The following BOP1 variants were observed in gnomAD, a reference collection of about 807,000 sequenced individuals.
BOP1 encodes BOP1 ribosomal biogenesis factor, also known as ribosome biogenesis protein BOP1.
In BOP1, 54 loss-of-function variants were observed where a neutral mutation model predicts 82.9. The ratio of observed to expected loss-of-function variants is 0.65; its 90% confidence interval spans 0.52 to 0.82. The LOEUF (loss-of-function observed/expected upper bound fraction) is 0.82. Ranked by LOEUF, BOP1 falls within the 40% of genes least tolerant of loss-of-function variation. BOP1 has a pLI of 0.00. For synonymous variants in BOP1, 566 were observed against 451.1 expected, an observed-to-expected ratio of 1.25 and a Z score of -3.23; for missense variants, 1,170 against 1,072.0, an observed-to-expected ratio of 1.09 and a Z score of -1.28.
chr8:144,284,278 A>C (rs1236259107), intron 2 of BOP1, among the ~76,000 whole-genome samples: 1 of 152,204 alleles, frequency 6.6e-6, no homozygotes, highest in Non-Finnish European at 1.5e-5. Context: ...AGCCTGAGTG[A>C]CAGAGTGAGA....
At chr8:144,290,506 TCA>T (rs1171181305) in intron 1 of BOP1, among the ~76,000 whole-genome samples, 1 of 152,222 alleles carries the variant, frequency 6.6e-6, no homozygotes, top group Non-Finnish European at 1.5e-5. Context: ...AATGCCTCTC[TCA>T]CACAGAGTCA....
chr8:144,282,465 G>A (rs1180202352), intron 2 of BOP1, among the ~76,000 whole-genome samples: 3 of 152,148 alleles, frequency 2.0e-5, no homozygotes, highest in Non-Finnish European at 4.4e-5. Flanking sequence ...GGTGAGGCTG[G>A]CCCACCAAGC....
intron 2 of BOP1, among the ~76,000 whole-genome samples, chr8:144,282,627 G>T (rs1321424166): frequency 1.3e-5 from 2 of 152,070 alleles, no homozygotes; most frequent in Non-Finnish European, 2.9e-5. Flanking sequence ...TGTGGGCCCT[G>T]CCGTGGCCCA....
Position 144,263,216 on chromosome 8 carries a change from C to G in BOP1, c.1605+5G>C. ...GCAGCCTCACCCCCAAGGCGCCCCA[C>G]GTACCTTCCCGTGGCAGATGCGCAG... On this transcript the variant is annotated splice_donor_5th_base_variant and intron_variant, in intron 12 of 15. Transcript: ENST00000569669. The G allele has an allele frequency of 1.3e-6, 2 of 1,594,446 alleles. 1 individual carries two copies. Among genetic ancestry groups the G allele is most frequent in the South Asian group, 2.2e-5 (2 of 90,728 alleles).
intron 3 of BOP1, among the ~76,000 whole-genome samples, chr8:144,271,068 G>A (rs911100306): frequency 1.5e-4 from 20 of 129,460 alleles, no homozygotes; most frequent in East Asian, 8.6e-4. Flanking sequence ...GTCAGGCCCC[G>A]CACGGAGAGC....
chr8:144,270,313 CAG>C (rs1339860114), intron 3 of BOP1, among the ~76,000 whole-genome samples: 1 of 152,164 alleles, frequency 6.6e-6, no homozygotes, highest in Admixed American at 6.5e-5. Flanking sequence ...AAAGAGACGT[CAG>C]AGCCCCCGTG....
intron 10 of BOP1, 34 bp from the exon 11 acceptor site, chr8:144,263,644 C>G: frequency 6.2e-7 from 1 of 1,605,806 alleles, no homozygotes; most frequent in Non-Finnish European, 8.5e-7. Flanking sequence ...CAACACCTGG[C>G]CATCCCACCT....
intron 3 of BOP1, among the ~76,000 whole-genome samples, chr8:144,270,491 G>T (rs2130224371): frequency 6.6e-6 from 1 of 152,320 alleles, no homozygotes. Context: ...CGCGGCTGCA[G>T]CTTGGCCAGC....
intron 2 of BOP1, among the ~76,000 whole-genome samples, chr8:144,285,313 C>A (rs1472621545): frequency 6.6e-6 from 1 of 152,174 alleles, no homozygotes; most frequent in African/African-American, 2.4e-5. Flanking sequence ...AGCCCCATCC[C>A]GCCACTGTTC....
chr8:144,286,445 CGCGG>C lies in BOP1; in HGVS notation c.309+2646_309+2649del, dbSNP rs1814872198. 1.6e-3 allele frequency among the ~76,000 whole-genome samples: 191 copies of C among 117,492 alleles called. 1 individual carries two copies. Among genetic ancestry groups the C allele is most frequent in the Non-Finnish European group, 2.7e-3 (151 of 55,366 alleles). 77.1% of individuals were successfully genotyped at this position (117,492 alleles called of 152,430 possible). A position where few individuals can be genotyped will look rare whatever the true frequency, so the allele number is the denominator to read the frequency against. On this transcript the variant is annotated intron_variant, in intron 2 of 15. Coordinates refer to ENST00000569669, the MANE Select transcript of BOP1 (RefSeq NM_015201.5). Reference sequence around the variant, plus strand: ...GGCCCCTCAGCTAAAGCACAGGACACGCGGGCAGGTGCATGGGCGCCACGGCAGG... The same window carrying C: ...GGCCCCTCAGCTAAAGCACAGGACACGCAGGTGCATGGGCGCCACGGCAGG...
chr8:144,273,775 CA>C (rs1335252921), intron 3 of BOP1, among the ~76,000 whole-genome samples: 1 of 150,848 alleles, frequency 6.6e-6, no homozygotes, highest in African/African-American at 2.5e-5. Context: ...GGGGCAGCCG[CA>C]GCTCAGCCGG....
Position 144,263,291 on chromosome 8 carries a change from G to A in BOP1, c.1535C>T (p.Pro512Leu), listed in dbSNP as rs955385249. Residue 512 changes from proline (P) to leucine (L), a missense_variant, in exon 12 of 16, where the codon CCG becomes CTG. Transcript: ENST00000569669. ...FVPPEEPPLQ[P>L]ARWLEASEEE... ...CTCTGAGGCCTCCAGCCAGCGGGCC[G>A]GCTGCAAGGGGGGCTCCTCAGGCGG... 26 of 1,594,048 alleles carry A rather than the reference G, an allele frequency of 1.6e-5. No homozygotes were observed. The highest frequency in any genetic ancestry group is 2.2e-5 in the South Asian group (2 of 90,610).
chr8:144,282,746 C>G (rs1037388578), intron 2 of BOP1, among the ~76,000 whole-genome samples: 1 of 152,116 alleles, frequency 6.6e-6, no homozygotes, highest in East Asian at 1.9e-4. Context: ...ACAGAGTACC[C>G]TTCTTCACCT....
Position 144,291,231 on chromosome 8 carries a change from C to T in BOP1, c.99+41G>A. 1 of 1,425,370 alleles carries T rather than the reference C, an allele frequency of 7.0e-7. No individual in the cohort carries two copies. The highest frequency in any genetic ancestry group is 9.2e-7 in the Non-Finnish European group (1 of 1,091,542). The allele number at this position is 1,425,370 out of a possible 1,614,324, so 88.3% of individuals were successfully genotyped here. ...AGCGCGGCCACGTGCCCGCCGGGCC[C>T]TCTAGGGACGCGCCCCGCCGCCCCG... is the stretch of plus-strand genomic sequence containing the variant. On this transcript the variant is annotated intron_variant, in intron 1 of 15. Transcript: ENST00000569669. This position sits in a 1 kb window ranked among gnomAD's most constrained non-coding sequence, Gnocchi z 4.1.
Position 144,276,927 on chromosome 8 carries a change from G to A in BOP1, c.310-623C>T, listed in dbSNP as rs1845575609. Among the ~76,000 whole-genome samples the A allele has an allele frequency of 4.6e-5, 7 of 152,174 alleles. No individual in the cohort carries two copies. The South Asian group carries it at 1.5e-3, about 32-fold the overall frequency. On this transcript the variant is annotated intron_variant, in intron 2 of 15. Transcript: ENST00000569669. ...TGCCCAGCGTTCTCCCACCCACCACGTCCACAGCCCAGGCTGACCCCATCC... is the reference window on the plus strand; with the variant it reads ...TGCCCAGCGTTCTCCCACCCACCACATCCACAGCCCAGGCTGACCCCATCC...
rs1845285593 is a variant in BOP1, at chr8:144,263,572, T to C, written c.1330A>G (p.Thr444Ala). Residue 444 changes from threonine to alanine, a missense_variant, in exon 11 of 16, where the codon ACT becomes GCT. By Grantham distance (58) the Thr-to-Ala change is moderately conservative. Coordinates refer to ENST00000569669, the MANE Select transcript of BOP1 (RefSeq NM_015201.5). ...GGAACAGTCCTCACACAGCGGGCAG[T>C]GGCCACCTCCCAGAGCCGCAGGGAG... The part of the protein sequence containing the change: ...DGSLRLWEVA[T>A]ARCVRTVPVG... The C allele has an allele frequency of 8.1e-6, 13 of 1,603,266 alleles. No homozygotes were observed. Among genetic ancestry groups the C allele is most frequent in the Non-Finnish European group, 1.1e-5 (13 of 1,179,748 alleles).
chr8:144,289,086 C>A lies in BOP1; in HGVS notation c.309+9G>T, dbSNP rs782258820. The A allele has an allele frequency of 1.5e-4, 247 of 1,613,936 alleles. No individual in the cohort carries two copies. The highest frequency in any genetic ancestry group is 2.0e-4 in the Non-Finnish European group (241 of 1,180,000). ...GGACAGCCCTCGAGGGGGCTCCTCG[C>A]TCACCCACCTGCACCTGCTCCTCAG... is the stretch of plus-strand genomic sequence containing the variant. On this transcript the variant is annotated intron_variant, in intron 2 of 15. Coordinates refer to ENST00000569669, the MANE Select transcript of BOP1 (RefSeq NM_015201.5).
At chr8:144,266,658 G>A in intron 3 of BOP1, 2 of 1,258,026 alleles carry the variant, frequency 1.6e-6, no homozygotes, top group Admixed American at 3.0e-5. Context: ...GCCGCTACCT[G>A]TACCCCGAGG....
chr8:144,275,674 T>C (rs1845558379), intron 3 of BOP1, among the ~76,000 whole-genome samples: 1 of 151,946 alleles, frequency 6.6e-6, no homozygotes, highest in East Asian at 1.9e-4. Context: ...CCAGCCCACA[T>C]CAGCCACCAC....
Sources: gnomAD v4.1 joint callset for allele counts (sites outside exome capture counted in the v4.1 genomes callset) on GRCh38, gnomAD v4.1.1 for gene constraint, Gnocchi (gnomAD v3.1) non-coding constraint, MANE v1.5 for transcripts, NCBI Gene and HGNC (gene_info 2026-07-23, HGNC 2026-07-21) for gene names.